The following ABCC1 variants were observed in gnomAD, a reference collection of about 807,000 sequenced individuals.
ABCC1 encodes the protein multidrug resistance-associated protein 1.
A neutral mutation model predicts 172.9 loss-of-function variants in ABCC1; 83 were observed. The ratio of observed to expected loss-of-function variants is 0.48; its 90% CI spans 0.40 to 0.58. ABCC1 has a LOEUF of 0.58. ABCC1 is among the 20% of genes least tolerant of loss of function. ABCC1 has a pLI of 0.00. For missense variants in ABCC1, 1,817 were observed against 2,002.7 expected, an observed-to-expected ratio of 0.91 and a Z score of 1.77; for synonymous variants, 937 against 825.2, an observed-to-expected ratio of 1.14 and a Z score of -2.32.
chr16:16,111,545 C>G lies in ABCC1; in HGVS notation c.3042C>G (p.Val1014=). The G allele has an allele frequency of 1.2e-6, 2 of 1,613,982 alleles. No individual in the cohort carries two copies. Among genetic ancestry groups the G allele is most frequent in the Non-Finnish European group, 1.7e-6 (2 of 1,180,034 alleles). ...IVNGTQEHTK[V]RLSVYGALGI... is the part of the protein sequence containing the mutation. ...ACGGGACTCAGGAGCACACGAAAGT[C>G]CGGCTGAGCGTCTATGGAGCCCTGG... The change falls in exon 22 of 31, where the codon GTC becomes GTG. Residue 1014 remains valine, a synonymous_variant. Transcript: ENST00000399410.
intron 5 of ABCC1, among the ~76,000 whole-genome samples, chr16:16,026,459 T>A (rs1460749793): frequency 8.0e-5 from 8 of 100,280 alleles, no homozygotes; most frequent in African/African-American, 1.1e-4. Flanking sequence ...AAAAAAAGGC[T>A]ATTTCCTTTT....
At chr16:16,050,729 CAAAAAAA>C (rs35207136) in intron 10 of ABCC1, among the ~76,000 whole-genome samples, 1,410 of 66,672 alleles carry the variant, frequency 0.021, 12 homozygotes, top group Admixed American at 0.031. Context: ...CCTGTCTCTA[CAAAAAAA>C]AAAAAAAAAA....
chr16:16,123,402 A>G (rs191524263), intron 24 of ABCC1, among the ~76,000 whole-genome samples: 12 of 152,256 alleles, frequency 7.9e-5, no homozygotes, highest in African/African-American at 2.9e-4. Flanking sequence ...TGGGATGCCA[A>G]AGTGGGTGGA....
chr16:16,054,336 C>T (rs746210182), intron 11 of ABCC1, among the ~76,000 whole-genome samples: 1 of 152,092 alleles, frequency 6.6e-6, no homozygotes, highest in Non-Finnish European at 1.5e-5. Context: ...AATGGGCCCA[C>T]GTGGCAGCAT....
chr16:16,095,143 G>A (rs1275840295), intron 19 of ABCC1: 1 of 152,218 alleles, frequency 6.6e-6, no homozygotes, highest in Non-Finnish European at 1.5e-5. Flanking sequence ...AGGTGAACAC[G>A]AAGATTTGAA....
intron 5 of ABCC1, among the ~76,000 whole-genome samples, chr16:16,026,060 CTT>C (rs748515327): frequency 2.8e-4 from 42 of 152,098 alleles, no homozygotes; most frequent in Non-Finnish European, 5.4e-4. Flanking sequence ...TTTTTTCCTC[CTT>C]TTTTATTGTC....
At chr16:16,101,788 A>G (rs1419482954) in intron 19 of ABCC1, among the ~76,000 whole-genome samples, 3 of 152,176 alleles carry the variant, frequency 2.0e-5, no homozygotes, top group Non-Finnish European at 4.4e-5. Context: ...AGTGCACTTG[A>G]TAAATGTTGG....
intron 4 of ABCC1, among the ~76,000 whole-genome samples, 186 bp from the exon 5 acceptor site, chr16:16,016,310 C>T (rs902801376): frequency 1.3e-5 from 2 of 151,888 alleles, no homozygotes; most frequent in African/African-American, 4.8e-5. Flanking sequence ...CCCACCACCA[C>T]GTCTGGCCAA....
intron 1 of ABCC1, among the ~76,000 whole-genome samples, chr16:15,999,077 T>A (rs1280098861): frequency 1.3e-5 from 2 of 152,182 alleles, no homozygotes; most frequent in Non-Finnish European, 2.9e-5. Context: ...CTCGGCTCAC[T>A]GCAAGCTCTG....
intron 16 of ABCC1, among the ~76,000 whole-genome samples, chr16:16,082,431 A>G (rs1288511627): frequency 6.6e-6 from 1 of 152,208 alleles, no homozygotes. Flanking sequence ...AACGTAATAA[A>G]TATATAGAGA....
In ABCC1 at chr16:16,098,947, GC is replaced by G. The variant is rs371364858; in HGVS notation, c.2645-3678del. The G allele has an allele frequency of 3.0e-4, 399 of 1,342,858 alleles. 1 individual carries two copies. In the African/African-American group the frequency reaches 5.3e-3, roughly 18 times the overall value. 83.2% of individuals were successfully genotyped at this position (1,342,858 alleles called of 1,614,324 possible). A position where few individuals can be genotyped will look rare whatever the true frequency, so the allele number is the denominator to read the frequency against. On this transcript the variant is annotated intron_variant, in intron 19 of 30. Coordinates refer to ENST00000399410, the MANE Select transcript of ABCC1 (RefSeq NM_004996.4). ...GAGTTGGCTTGGCTCATAGAATGAG[GC>G]CAGAGACGGGCCGAGACTGTCGCTG...
chr16:16,016,311 G>A (rs752937959), intron 4 of ABCC1, among the ~76,000 whole-genome samples, 185 bp from the exon 5 acceptor site: 19 of 151,806 alleles, frequency 1.3e-4, no homozygotes, highest in Non-Finnish European at 2.2e-4. Flanking sequence ...CCACCACCAC[G>A]TCTGGCCAAT....
chr16:15,994,116 A>G (rs2046969582), intron 1 of ABCC1, among the ~76,000 whole-genome samples: 2 of 152,274 alleles, frequency 1.3e-5, no homozygotes, highest in South Asian at 4.1e-4. Flanking sequence ...GCTACTTGGG[A>G]GGCTGAGGCA....
chr16:15,991,200 C>T (rs2046857783), intron 1 of ABCC1, among the ~76,000 whole-genome samples: 1 of 151,886 alleles, frequency 6.6e-6, no homozygotes, highest in Admixed American at 6.6e-5. Flanking sequence ...GTTTAGCGTC[C>T]AGCTCAAGGG....
chr16:16,069,548 G>A (rs968470556), intron 13 of ABCC1, among the ~76,000 whole-genome samples: 1 of 151,886 alleles, frequency 6.6e-6, no homozygotes, highest in Non-Finnish European at 1.5e-5. Context: ...CGAGCATTGC[G>A]AACATCCCTT....
intron 23 of ABCC1, among the ~76,000 whole-genome samples, chr16:16,115,638 C>T (rs753554900): frequency 1.3e-5 from 2 of 152,036 alleles, no homozygotes; most frequent in East Asian, 1.9e-4. Flanking sequence ...TGAGCCACTG[C>T]GTCCAGCCTA....
At chr16:15,988,260 C>T (rs969741609) in intron 1 of ABCC1, among the ~76,000 whole-genome samples, 1 of 152,154 alleles carries the variant, frequency 6.6e-6, no homozygotes, top group Non-Finnish European at 1.5e-5. Context: ...GGCTTGCCCT[C>T]TTCTCTGAGT....
intron 16 of ABCC1, among the ~76,000 whole-genome samples, chr16:16,080,976 T>G (rs1027100126): frequency 3.9e-5 from 6 of 152,168 alleles, no homozygotes; most frequent in Admixed American, 2.6e-4. Flanking sequence ...CCGATTCTTC[T>G]GTCTCAGCCT....
At chr16:16,116,195 C>T (rs991419873) in intron 23 of ABCC1, among the ~76,000 whole-genome samples, 5 of 152,212 alleles carry the variant, frequency 3.3e-5, no homozygotes, top group Middle Eastern at 3.4e-3. Context: ...TGAGCCACTG[C>T]GCCCGGCCCC....
Sources: allele counts gnomAD v4.1 joint callset (sites outside exome capture counted in the v4.1 genomes callset), GRCh38; gene constraint gnomAD v4.1.1; transcripts MANE v1.5; gene names NCBI Gene and HGNC (gene_info 2026-07-23, HGNC 2026-07-21).